The following RPRD1A variants were observed in gnomAD, a reference collection of about 807,000 sequenced individuals.
The protein encoded by RPRD1A is regulation of nuclear pre-mRNA domain containing 1A.
A neutral mutation model predicts 37.8 loss-of-function variants in RPRD1A; 9 were observed. The observed-to-expected ratio is 0.24, with a 90% CI of 0.14 to 0.42. RPRD1A has a LOEUF of 0.42. Among genes scored for constraint, RPRD1A ranks in the 10% least tolerant of loss-of-function variants. The pLI is 1.00. For synonymous variants in RPRD1A, 138 were observed against 139.7 expected (o/e 0.99, Z 0.08); for missense variants, 255 against 371.0 (o/e 0.69, Z 2.57).
At chr18:36,048,328 A>G (rs1167031413) in intron 1 of RPRD1A, among the ~76,000 whole-genome samples, 1 of 152,052 alleles carries the variant, frequency 6.6e-6, no homozygotes, top group Non-Finnish European at 1.5e-5. Flanking sequence ...AGCCTCCCAA[A>G]GTGCTGGGAT....
Position 35,990,112 on chromosome 18 carries a change from A to G in RPRD1A, c.*3039T>C, listed in dbSNP as rs1908637735. On this transcript the variant is annotated 3_prime_UTR_variant, in exon 7 of 7. Coordinates refer to ENST00000399022, the MANE Select transcript of RPRD1A (RefSeq NM_018170.5). ...TATGAAACAAGACTACATCCTTAGGAGCTATTTCTTAATAGAATACAAAGC... is the reference window on the plus strand; with the variant it reads ...TATGAAACAAGACTACATCCTTAGGGGCTATTTCTTAATAGAATACAAAGC... The G allele has an allele frequency of 6.6e-6, 1 of 152,234 alleles. No homozygotes were observed. The highest frequency in any genetic ancestry group is 1.5e-5 in the Non-Finnish European group (1 of 68,038). 9.4% of individuals were successfully genotyped at this position (152,234 alleles called of 1,614,324 possible). A position where few individuals can be genotyped will look rare whatever the true frequency, so the allele number is the denominator to read the frequency against.
chr18:36,009,586 T>G (rs1025201123), intron 6 of RPRD1A, among the ~76,000 whole-genome samples: 6 of 152,254 alleles, frequency 3.9e-5, no homozygotes, highest in Non-Finnish European at 5.9e-5. Context: ...ACAGCATTTC[T>G]TCTCTTATTA....
intron 6 of RPRD1A, chr18:36,025,601 G>A (rs1568129241): frequency 7.8e-7 from 1 of 1,281,632 alleles, no homozygotes; most frequent in East Asian, 5.6e-5. Flanking sequence ...ACAGGCTTCA[G>A]GGTTTGATAT....
intron 6 of RPRD1A, among the ~76,000 whole-genome samples, chr18:36,008,856 T>C: frequency 6.6e-6 from 1 of 151,908 alleles, no homozygotes; most frequent in East Asian, 1.9e-4. Flanking sequence ...CATTATGGTT[T>C]TGACTCTGTT....
At chr18:36,055,091 C>T (rs1178111981) in intron 1 of RPRD1A, among the ~76,000 whole-genome samples, 1 of 152,182 alleles carries the variant, frequency 6.6e-6, no homozygotes, top group African/African-American at 2.4e-5. Flanking sequence ...TCCTGTTGCC[C>T]AGTCAAGTTG....
intron 1 of RPRD1A, among the ~76,000 whole-genome samples, chr18:36,057,243 C>CAT (rs914715871): frequency 1.7e-4 from 26 of 150,334 alleles, no homozygotes; most frequent in Middle Eastern, 3.4e-3. Flanking sequence ...CAACAACAAA[C>CAT]ATATATATAT....
chr18:36,032,022 T>C (rs1414636516), intron 2 of RPRD1A, among the ~76,000 whole-genome samples: 1 of 152,194 alleles, frequency 6.6e-6, no homozygotes, highest in East Asian at 1.9e-4. Flanking sequence ...CTACCTAGAA[T>C]CCTTTCTGCC....
At chr18:36,025,521 C>G (rs1407952005) in intron 6 of RPRD1A, 1 of 665,286 alleles carries the variant, frequency 1.5e-6, no homozygotes, top group African/African-American at 1.9e-5. Flanking sequence ...TGACCATCAT[C>G]ATAAGTGAGA....
chr18:36,019,147 G>A (rs975185746), intron 6 of RPRD1A, among the ~76,000 whole-genome samples: 7 of 132,480 alleles, frequency 5.3e-5, no homozygotes, highest in Admixed American at 3.6e-4. Flanking sequence ...TCGCTCTGTC[G>A]CCCAGGCTGG....
intron 1 of RPRD1A, among the ~76,000 whole-genome samples, chr18:36,036,386 T>G (rs930127033): frequency 2.0e-5 from 3 of 152,168 alleles, no homozygotes; most frequent in Non-Finnish European, 4.4e-5. Flanking sequence ...AGAATGTTTT[T>G]TAAATTCATG....
chr18:36,033,525 T>G (rs1480010733), intron 2 of RPRD1A, among the ~76,000 whole-genome samples, 183 bp downstream of exon 2: 1 of 152,086 alleles, frequency 6.6e-6, no homozygotes, highest in Non-Finnish European at 1.5e-5. Context: ...CAAAAAATAT[T>G]TTTCCTTCAG....
At chr18:36,057,491 T>C (rs1226597675) in intron 1 of RPRD1A, among the ~76,000 whole-genome samples, 1 of 152,094 alleles carries the variant, frequency 6.6e-6, no homozygotes, top group Non-Finnish European at 1.5e-5. Flanking sequence ...TGTGCACCTA[T>C]AGTCCCAGTA....
At chr18:36,038,431 C>A (rs1052775947) in intron 1 of RPRD1A, among the ~76,000 whole-genome samples, 2 of 152,206 alleles carry the variant, frequency 1.3e-5, no homozygotes, top group Non-Finnish European at 2.9e-5. Flanking sequence ...CCTGTGGATG[C>A]ACAGAAGGCA....
At chr18:36,062,836 G>A (rs559719764) in intron 1 of RPRD1A, 2 of 152,276 alleles carry the variant, frequency 1.3e-5, no homozygotes, top group South Asian at 4.2e-4. Flanking sequence ...TTCTTTCTGG[G>A]TAATAAAAAT....
At chr18:36,053,537 A>C (rs949349853) in intron 1 of RPRD1A, among the ~76,000 whole-genome samples, 1 of 152,180 alleles carries the variant, frequency 6.6e-6, no homozygotes, top group Non-Finnish European at 1.5e-5. Context: ...CAGCGTGTGG[A>C]TATACCATAT....
intron 1 of RPRD1A, among the ~76,000 whole-genome samples, chr18:36,042,934 CT>C (rs1568141615): frequency 6.6e-6 from 1 of 152,164 alleles, no homozygotes; most frequent in Non-Finnish European, 1.5e-5. Flanking sequence ...GCAAATTTTA[CT>C]TCTAAGAATT....
chr18:35,993,282 C>T lies in RPRD1A; in HGVS notation c.808G>A (p.Ala270Thr). The change falls in exon 7 of 7, where the codon GCC becomes ACC. Residue 270 changes from alanine to threonine, a missense_variant. Ala to Thr is a moderately conservative substitution (Grantham distance 58). This residue lies in a region of RPRD1A where 211 missense variants were observed against 268.9 expected (regional missense o/e 0.78). Transcript: ENST00000399022. ...HKLEEYKRKL[A>T]RVSLVRKELR... ...TCTTTGCGCACCAGGGAAACTCTGG[C>T]TAGCTTGCGCTTGTACTCCTGTAAC... is the stretch of plus-strand genomic sequence containing the variant. 1 of 1,614,158 alleles carries T rather than the reference C, an allele frequency of 6.2e-7. No homozygotes were observed. The highest frequency in any genetic ancestry group is 8.5e-7 in the Non-Finnish European group (1 of 1,180,008).
chr18:36,014,814 A>G (rs190311833), intron 6 of RPRD1A, among the ~76,000 whole-genome samples: 1 of 152,286 alleles, frequency 6.6e-6, no homozygotes, highest in East Asian at 1.9e-4. Flanking sequence ...TCCAAAGCTA[A>G]ACAAATGGCC....
chr18:36,014,527 A>G (rs1458901804), intron 6 of RPRD1A, among the ~76,000 whole-genome samples: 2 of 152,236 alleles, frequency 1.3e-5, no homozygotes, highest in African/African-American at 2.4e-5. Context: ...TCACGAGGTC[A>G]GGAGATCGAG....
Sources: allele counts gnomAD v4.1 joint callset (sites outside exome capture counted in the v4.1 genomes callset), GRCh38; gene constraint gnomAD v4.1.1; regional missense constraint gnomAD v4.1.1; transcripts MANE v1.5; gene names NCBI Gene and HGNC (gene_info 2026-07-23, HGNC 2026-07-21).